The following CAAP1 variants were observed in gnomAD, a reference collection of about 807,000 sequenced individuals.
The protein encoded by CAAP1 is conserved anti-apoptotic protein.
Under a neutral mutation model 34.0 loss-of-function variants are expected in CAAP1, and 20 were observed. The observed-to-expected ratio is 0.59, with a 90% CI of 0.41 to 0.86. CAAP1 has a LOEUF of 0.86. Among genes scored for constraint, CAAP1 ranks in the 40% least tolerant of loss-of-function variants. CAAP1 has a pLI of 0.00. For synonymous variants in CAAP1, 213 were observed against 166.7 expected, an observed-to-expected ratio of 1.28 and a Z score of -2.14; for missense variants, 538 against 450.5, an observed-to-expected ratio of 1.19 and a Z score of -1.76.
At position 26,842,033 on chromosome 9, in the gene CAAP1, T is replaced by C. The variant is rs957711647; in HGVS notation, c.*268A>G. 5 of 285,802 alleles carry C rather than the reference T, an allele frequency of 1.7e-5. No individual in the cohort carries two copies. Among genetic ancestry groups the C allele is most frequent in the African/African-American group, 1.1e-4 (5 of 46,148 alleles). The allele number at this position is 285,802 out of a possible 1,614,324, so 17.7% of individuals were successfully genotyped here. On this transcript the variant is annotated 3_prime_UTR_variant, in exon 6 of 6. Transcript: ENST00000333916. ...ACTCTTTGCTAATGGCTTTTAAGAT[T>C]TGCAGACACAGCTAAATACTCATCT... is the stretch of plus-strand genomic sequence containing the variant.
At chr9:26,879,819 C>T (rs1823540184) in intron 4 of CAAP1, among the ~76,000 whole-genome samples, 1 of 152,084 alleles carries the variant, frequency 6.6e-6, no homozygotes, top group African/African-American at 2.4e-5. Flanking sequence ...GGCCTTTGGC[C>T]CCAGACTGAG....
rs187364672 is a variant in CAAP1, at chr9:26,873,840, T to G, written c.665+10970A>C. On this transcript the variant is annotated intron_variant, in intron 4 of 5. Transcript: ENST00000333916. ...AGTTTTTAGACAACCCGAAATAAAA[T>G]ATAAATTTGCTCATTTTCTTTTCCC... 1.4e-4 allele frequency among the ~76,000 whole-genome samples: 21 copies of G among 152,256 alleles called. No homozygotes were observed. The East Asian group carries it at 2.9e-3, about 21-fold the overall frequency.
intron 5 of CAAP1, among the ~76,000 whole-genome samples, chr9:26,858,062 T>C (rs1358178416): frequency 6.6e-6 from 1 of 152,256 alleles, no homozygotes; most frequent in Non-Finnish European, 1.5e-5. Flanking sequence ...TGCTGCTTTA[T>C]ATTTTGGTCT....
chr9:26,866,391 A>G (rs1823139739), intron 4 of CAAP1, among the ~76,000 whole-genome samples: 2 of 152,242 alleles, frequency 1.3e-5, no homozygotes, highest in Non-Finnish European at 2.9e-5. Flanking sequence ...GTAAATGTAT[A>G]GAATATCTGT....
At chr9:26,847,529 T>A (rs1467139020) in intron 5 of CAAP1, among the ~76,000 whole-genome samples, 1 of 152,112 alleles carries the variant, frequency 6.6e-6, no homozygotes. Flanking sequence ...CACTATTTTT[T>A]TAATTTACAT....
chr9:26,881,952 T>C (rs1404011554), intron 4 of CAAP1, among the ~76,000 whole-genome samples: 2 of 152,218 alleles, frequency 1.3e-5, no homozygotes, highest in Non-Finnish European at 2.9e-5. Flanking sequence ...TGACTCTTGC[T>C]ATATTTTAGC....
At position 26,892,626 on chromosome 9, in the gene CAAP1, G is replaced by A. The variant is rs1307439873; in HGVS notation, c.90C>T (p.Pro30=). 1.2e-6 allele frequency: 2 copies of A among 1,609,186 alleles called. No individual in the cohort carries two copies. Among genetic ancestry groups the A allele is most frequent in the African/African-American group, 1.3e-5 (1 of 74,926 alleles). Reference sequence around the variant, plus strand: ...TTCCACTGCTGCCGCTGGCCAACGCGGGTACGATGTCCGGGGCCGCGAGCG... The same window carrying A: ...TTCCACTGCTGCCGCTGGCCAACGCAGGTACGATGTCCGGGGCCGCGAGCG... ...AAALAAPDIV[P]ALASGSSGST... is the part of the protein sequence containing the mutation. Residue 30 remains proline, a synonymous_variant, in exon 1 of 6, where the codon CCC becomes CCT. Coordinates refer to ENST00000333916, the MANE Select transcript of CAAP1 (RefSeq NM_024828.4).
chr9:26,842,533 T>C lies in CAAP1; in HGVS notation c.854A>G (p.Gln285Arg). 1 of 1,614,206 alleles carries C rather than the reference T, an allele frequency of 6.2e-7. No homozygotes were observed. The highest frequency in any genetic ancestry group is 1.1e-5 in the South Asian group (1 of 91,082). The change falls in exon 6 of 6, where the codon CAA becomes CGA. Residue 285 changes from glutamine (Q) to arginine (R), a missense_variant. Physicochemically the swap from Gln to Arg is conservative, Grantham distance 43 (BLOSUM62 1). This residue lies in a region of CAAP1 where 514 missense variants were observed against 408.4 expected (regional missense o/e 1.26). Transcript: ENST00000333916. ...AAPEAPENTV[Q>R]SEAGQIDDLE... is the part of the protein sequence containing the mutation. ...GTCATCTATCTGACCAGCTTCACTT[T>C]GGACTGTATTTTCTGGTGCCTCGGG...
chr9:26,868,631 T>C (rs139479990), intron 4 of CAAP1, among the ~76,000 whole-genome samples: 2 of 152,330 alleles, frequency 1.3e-5, no homozygotes, highest in African/African-American at 2.4e-5. Context: ...AACACACTTA[T>C]AATTTTAAAA....
At chr9:26,875,896 C>T (rs1318186628) in intron 4 of CAAP1, among the ~76,000 whole-genome samples, 1 of 151,980 alleles carries the variant, frequency 6.6e-6, no homozygotes, top group Non-Finnish European at 1.5e-5. Flanking sequence ...AGAAAATAAC[C>T]CTATTGCTCT....
rs138544650 is a variant in CAAP1, at chr9:26,847,021, G to A, written c.740-4374C>T. 3.5e-3 allele frequency among the ~76,000 whole-genome samples: 534 copies of A among 151,634 alleles called. 2 individuals carry two copies. Among genetic ancestry groups the A allele is most frequent in the African/African-American group, 0.012 (511 of 41,322 alleles). ...TCTTCTTTTACTCCCCTTCCCAGAA[G>A]TAATCACTGTTAATAACTTATTTAT... On this transcript the variant is annotated intron_variant, in intron 5 of 5. Transcript: ENST00000333916.
intron 4 of CAAP1, among the ~76,000 whole-genome samples, chr9:26,865,381 G>C (rs774577043): frequency 2.6e-5 from 4 of 152,086 alleles, no homozygotes; most frequent in African/African-American, 7.2e-5. Context: ...AAATTAGCCA[G>C]GTGTGGTGGC....
At chr9:26,892,196 G>T in intron 1 of CAAP1, 1 of 1,298,442 alleles carries the variant, frequency 7.7e-7, no homozygotes. Context: ...AAAAAAAAGT[G>T]ATCAGGAAAT....
intron 4 of CAAP1, among the ~76,000 whole-genome samples, chr9:26,876,534 A>T (rs1466731402): frequency 3.9e-5 from 5 of 127,272 alleles, no homozygotes; most frequent in African/African-American, 5.9e-5. Flanking sequence ...ATGCTTCTGT[A>T]TTGGTAAGTG....
chr9:26,876,916 G>A (rs1395409058), intron 4 of CAAP1, among the ~76,000 whole-genome samples: 1 of 152,138 alleles, frequency 6.6e-6, no homozygotes, highest in East Asian at 1.9e-4. Context: ...CACTTTGGGA[G>A]TCCAAGGTGG....
At chr9:26,864,957 T>C (rs1470773689) in intron 4 of CAAP1, among the ~76,000 whole-genome samples, 3 of 152,212 alleles carry the variant, frequency 2.0e-5, no homozygotes, top group South Asian at 4.1e-4. Flanking sequence ...TATAACCTAA[T>C]AGCAATTTAC....
Position 26,840,776 on chromosome 9 carries a change from TGTA to T in CAAP1, c.*1522_*1524del, listed in dbSNP as rs1822459161. On this transcript the variant is annotated 3_prime_UTR_variant, in exon 6 of 6. Transcript: ENST00000333916. ...CATACAGATGCCATCTACAGTATTTTGTAGTTAGTAAGCAGCAATAAAGTTTAT... is the reference window on the plus strand; with the variant it reads ...CATACAGATGCCATCTACAGTATTTTGTTAGTAAGCAGCAATAAAGTTTAT... 6.6e-6 allele frequency: 1 copy of T among 152,354 alleles called. No homozygotes were observed. Among genetic ancestry groups the T allele is most frequent in the East Asian group, 1.9e-4 (1 of 5,188 alleles). The allele number at this position is 152,354 out of a possible 1,614,324, so 9.4% of individuals were successfully genotyped here. A position where few individuals can be genotyped will look rare whatever the true frequency, so the allele number is the denominator to read the frequency against.
intron 5 of CAAP1, among the ~76,000 whole-genome samples, chr9:26,857,210 C>T (rs1822889813): frequency 1.3e-5 from 2 of 152,240 alleles, no homozygotes; most frequent in African/African-American, 2.4e-5. Flanking sequence ...GAAACTTGTA[C>T]ATGTGAGCTT....
At position 26,842,203 on chromosome 9, in the gene CAAP1, G is replaced by A; in HGVS notation, c.*98C>T. The A allele has an allele frequency of 2.1e-6, 2 of 955,116 alleles. No individual in the cohort carries two copies. The highest frequency in any genetic ancestry group is 3.1e-6 in the Non-Finnish European group (2 of 653,562). The allele number at this position is 955,116 out of a possible 1,614,324, so 59.2% of individuals were successfully genotyped here. The stretch of plus-strand genomic sequence containing the variant: ...AAATGAGTCCTAATAAGGGTTACAT[G>A]AGAAATAACATATAAGACCCCAAAT... On this transcript the variant is annotated 3_prime_UTR_variant, in exon 6 of 6. Coordinates refer to ENST00000333916, the MANE Select transcript of CAAP1 (RefSeq NM_024828.4).
Sources: gnomAD v4.1 joint callset for allele counts (sites outside exome capture counted in the v4.1 genomes callset) on GRCh38, gnomAD v4.1.1 for gene constraint, gnomAD v4.1.1 regional missense constraint, MANE v1.5 for transcripts, NCBI Gene and HGNC (gene_info 2026-07-23, HGNC 2026-07-21) for gene names.